Variants in NRXN3 observed in about 807,000 individuals in gnomAD.
NRXN3 encodes the protein neurexin III.
In NRXN3, 32 loss-of-function variants were observed where a neutral mutation model predicts 137.6. The ratio of observed to expected loss-of-function variants is 0.23; its 90% CI spans 0.18 to 0.31. The LOEUF is 0.31. NRXN3 is among the 10% of genes least tolerant of loss of function. The pLI is 1.00. For synonymous variants in NRXN3, 798 were observed against 784.5 expected, an observed-to-expected ratio of 1.02 and a Z score of -0.29; for missense variants, 1,574 against 2,062.5, an observed-to-expected ratio of 0.76 and a Z score of 4.59.
chr14:79,615,824 T>C (rs1439798211), intron 16 of NRXN3, among the ~76,000 whole-genome samples: 1 of 152,184 alleles, frequency 6.6e-6, no homozygotes, highest in Non-Finnish European at 1.5e-5. Context: ...ATGGGAACTA[T>C]AGTTCAAGAT....
At chr14:78,492,502 T>G (rs1296739416) in intron 4 of NRXN3, among the ~76,000 whole-genome samples, 2 of 152,182 alleles carry the variant, frequency 1.3e-5, no homozygotes, top group South Asian at 4.1e-4. Flanking sequence ...TAGGTATAGT[T>G]TTTAGATATA....
intron 15 of NRXN3, among the ~76,000 whole-genome samples, chr14:79,185,148 C>T (rs1408524081): frequency 1.3e-5 from 2 of 152,060 alleles, no homozygotes; most frequent in Non-Finnish European, 2.9e-5. Context: ...TTTCTTATTT[C>T]TAATAAACTA....
intron 16 of NRXN3, among the ~76,000 whole-genome samples, chr14:79,604,316 ACT>A (rs1357555628): frequency 6.6e-6 from 1 of 150,774 alleles, no homozygotes; most frequent in African/African-American, 2.4e-5. Context: ...CTCACTACAA[ACT>A]CTGCCTCCTG....
chr14:78,742,284 A>G (rs1213938686), intron 8 of NRXN3, among the ~76,000 whole-genome samples: 1 of 152,220 alleles, frequency 6.6e-6, no homozygotes, highest in Non-Finnish European at 1.5e-5. Context: ...TTGGCTCTGA[A>G]GACAGTCATA....
chr14:79,637,766 A>G (rs914927128), intron 16 of NRXN3, among the ~76,000 whole-genome samples: 9 of 100,964 alleles, frequency 8.9e-5, no homozygotes, highest in African/African-American at 1.5e-4. Flanking sequence ...GTCTTGCTCT[A>G]GCACACAGGC....
chr14:79,020,952 T>C (rs942079352), intron 15 of NRXN3, among the ~76,000 whole-genome samples: 2 of 150,702 alleles, frequency 1.3e-5, no homozygotes, highest in Admixed American at 1.3e-4. Context: ...AGGGTGATAG[T>C]CTTTTCTTTC....
At chr14:78,261,459 C>T (rs1217396216) in intron 2 of NRXN3, among the ~76,000 whole-genome samples, 1 of 152,130 alleles carries the variant, frequency 6.6e-6, no homozygotes, top group Non-Finnish European at 1.5e-5. Context: ...CGCATATTCT[C>T]TCCATCTTTT....
In NRXN3 at chr14:78,886,469, TTTTTTCTC is replaced by T. The variant is rs888619499; in HGVS notation, c.2276-70765_2276-70758del. Among the ~76,000 whole-genome samples, 3 of 152,142 alleles carry T rather than the reference TTTTTTCTC, an allele frequency of 2.0e-5. No homozygotes were observed. In the East Asian group the frequency reaches 5.8e-4, roughly 30 times the overall value. On this transcript the variant is annotated intron_variant, in intron 10 of 20. Transcript: ENST00000335750. ...CTGCCTTCTTCTCTTCCTCCCTTCC[TTTTTTCTC>T]TTTTTCTTGCTTCTTTTATATCTCT...
At chr14:78,668,642 G>T (rs2097907783) in intron 6 of NRXN3, among the ~76,000 whole-genome samples, 2 of 152,126 alleles carry the variant, frequency 1.3e-5, no homozygotes, top group African/African-American at 2.4e-5. Flanking sequence ...ATCCAGTCCT[G>T]GGTCTCAACA....
In NRXN3 at chr14:78,697,565, T is replaced by C. The variant is rs181473648; in HGVS notation, c.1222-11652T>C. Among the ~76,000 whole-genome samples, 5 of 152,062 alleles carry C rather than the reference T, an allele frequency of 3.3e-5. No individual in the cohort carries two copies. The East Asian group carries it at 9.7e-4, about 29-fold the overall frequency. ...GCATGGCATAAGGGACATCTAGTGG[T>C]GATCTAGGTCTCTGCAGATTTACTA... On this transcript the variant is annotated intron_variant, in intron 6 of 20. Coordinates refer to ENST00000335750, the MANE Select transcript of NRXN3 (RefSeq NM_001330195.2).
chr14:78,428,832 A>T (rs1303528196), intron 4 of NRXN3, among the ~76,000 whole-genome samples: 1 of 152,176 alleles, frequency 6.6e-6, no homozygotes, highest in Non-Finnish European at 1.5e-5. Context: ...CATGAAGCCT[A>T]TGCACAGTCA....
chr14:78,337,619 G>A (rs2081625734), intron 4 of NRXN3, among the ~76,000 whole-genome samples: 1 of 152,106 alleles, frequency 6.6e-6, no homozygotes, highest in Non-Finnish European at 1.5e-5. Context: ...TTGCTCTGGG[G>A]TTTCAAAGGC....
intron 15 of NRXN3, among the ~76,000 whole-genome samples, chr14:78,993,036 A>T (rs1343817655): frequency 6.6e-6 from 1 of 152,194 alleles, no homozygotes; most frequent in Non-Finnish European, 1.5e-5. Flanking sequence ...TCACACTGGC[A>T]TGTGGTAATA....
At chr14:79,778,978 G>A (rs2140045592) in intron 19 of NRXN3, among the ~76,000 whole-genome samples, 1 of 152,308 alleles carries the variant, frequency 6.6e-6, no homozygotes, top group Non-Finnish European at 1.5e-5. Flanking sequence ...GTGAACCTCA[G>A]TCTCTTCTGC....
At chr14:79,448,743 A>C (rs1003005996) in intron 15 of NRXN3, among the ~76,000 whole-genome samples, 3 of 152,206 alleles carry the variant, frequency 2.0e-5, no homozygotes, top group African/African-American at 7.2e-5. Context: ...GTACACACTT[A>C]TGTATATACA....
At chr14:78,922,083 C>T (rs1331582372) in intron 10 of NRXN3, among the ~76,000 whole-genome samples, 1 of 152,192 alleles carries the variant, frequency 6.6e-6, no homozygotes, top group Non-Finnish European at 1.5e-5. Context: ...TATCAACTTA[C>T]AAATCACTTC....
At chr14:79,749,260 T>C (rs764311012) in intron 19 of NRXN3, among the ~76,000 whole-genome samples, 3 of 152,088 alleles carry the variant, frequency 2.0e-5, no homozygotes, top group Non-Finnish European at 4.4e-5. Context: ...GTGCTCACAT[T>C]TGTCTTTGGG....
intron 15 of NRXN3, among the ~76,000 whole-genome samples, chr14:79,146,772 T>TAA (rs909500045): frequency 3.9e-5 from 6 of 152,260 alleles, no homozygotes; most frequent in Middle Eastern, 3.4e-3. Context: ...TGTCTGAATC[T>TAA]AAGAGGGAGC....
At chr14:79,447,544 C>T (rs1029757672) in intron 15 of NRXN3, among the ~76,000 whole-genome samples, 5 of 152,180 alleles carry the variant, frequency 3.3e-5, no homozygotes, top group African/African-American at 4.8e-5. Flanking sequence ...TTCATGTATT[C>T]TCCTTTTCTT....
Sources: allele counts gnomAD v4.1 joint callset (sites outside exome capture counted in the v4.1 genomes callset), GRCh38; gene constraint gnomAD v4.1.1; transcripts MANE v1.5; gene names NCBI Gene and HGNC (gene_info 2026-07-23, HGNC 2026-07-21).